The following SRSF12 variants were observed in gnomAD, a reference collection of about 807,000 sequenced individuals.
SRSF12 encodes the protein serine and arginine rich splicing factor 12, also known as serine/arginine-rich splicing factor 12.
In SRSF12, 21 loss-of-function variants were observed where a neutral mutation model predicts 34.1. The observed-to-expected ratio is 0.62, with a 90% CI of 0.44 to 0.89. SRSF12 has a LOEUF of 0.89. Among genes scored for constraint, SRSF12 ranks in the 40% least tolerant of loss-of-function variants. The pLI is 0.00. For missense variants in SRSF12, 278 were observed against 327.8 expected, an observed-to-expected ratio of 0.85 and a Z score of 1.17; for synonymous variants, 111 against 110.8, an observed-to-expected ratio of 1.00 and a Z score of -0.01.
At chr6:89,115,658 C>T (rs1454788854) in intron 1 of SRSF12, among the ~76,000 whole-genome samples, 1 of 128,278 alleles carries the variant, frequency 7.8e-6, no homozygotes, top group Admixed American at 8.6e-5. Context: ...TTTTTTGAGA[C>T]GGAGTCCTCG....
rs111356127 is a variant in SRSF12, at chr6:89,104,739, G to T, written c.416+380C>A. ...TACATTAAGCAAAATGACTAAGGTG[G>T]ACTGTTTATAAAAACTTTAAAATAT... is the stretch of plus-strand genomic sequence containing the variant. On this transcript the variant is annotated intron_variant, in intron 4 of 4. Transcript: ENST00000452027. Among the ~76,000 whole-genome samples, 269 of 152,072 alleles carry T rather than the reference G, an allele frequency of 1.8e-3. 1 individual carries two copies. Among genetic ancestry groups the T allele is most frequent in the African/African-American group, 6.2e-3 (257 of 41,492 alleles).
intron 1 of SRSF12, among the ~76,000 whole-genome samples, chr6:89,108,234 C>T (rs1404297221): frequency 1.3e-5 from 2 of 152,118 alleles, no homozygotes; most frequent in East Asian, 1.9e-4. Context: ...ACTGAAGAGA[C>T]AAAATATTTA....
intron 2 of SRSF12, 112 bp downstream of exon 2, chr6:89,107,042 T>TA: frequency 9.1e-7 from 1 of 1,101,480 alleles, no homozygotes; most frequent in Non-Finnish European, 1.4e-6. Flanking sequence ...GATAAAGAAA[T>TA]AAACACATTT....
chr6:89,115,009 G>T (rs1198621819), intron 1 of SRSF12, among the ~76,000 whole-genome samples: 1 of 152,076 alleles, frequency 6.6e-6, no homozygotes, highest in Non-Finnish European at 1.5e-5. Flanking sequence ...TGTTGGCCAG[G>T]CTGGTCTCAA....
At chr6:89,110,180 G>A (rs1264148066) in intron 1 of SRSF12, among the ~76,000 whole-genome samples, 1 of 152,114 alleles carries the variant, frequency 6.6e-6, no homozygotes, top group African/African-American at 2.4e-5. Flanking sequence ...TGTTACCAAT[G>A]GAGGGTCTTG....
chr6:89,116,731 G>A (rs1582282493), intron 1 of SRSF12, among the ~76,000 whole-genome samples: 1 of 151,394 alleles, frequency 6.6e-6, no homozygotes, highest in East Asian at 1.9e-4. Flanking sequence ...ACCAAGATCG[G>A]GCCATTGTAC....
chr6:89,107,866 G>A (rs894026336), intron 1 of SRSF12, among the ~76,000 whole-genome samples: 1 of 152,164 alleles, frequency 6.6e-6, no homozygotes, highest in Non-Finnish European at 1.5e-5. Context: ...TGGTTGTTAT[G>A]CTTAATTTCC....
chr6:89,108,888 T>G (rs112894661), intron 1 of SRSF12, among the ~76,000 whole-genome samples: 1 of 152,338 alleles, frequency 6.6e-6, no homozygotes, highest in Admixed American at 6.5e-5. Flanking sequence ...AAAAATTGAC[T>G]AAGCATCTAC....
At chr6:89,102,639 G>A (rs1371255771) in intron 4 of SRSF12, among the ~76,000 whole-genome samples, 1 of 152,122 alleles carries the variant, frequency 6.6e-6, no homozygotes, top group African/African-American at 2.4e-5. Context: ...AGAAAAGGGA[G>A]TTGAGGAGCA....
intron 4 of SRSF12, among the ~76,000 whole-genome samples, chr6:89,104,655 T>A (rs1009835092): frequency 3.3e-5 from 5 of 152,188 alleles, no homozygotes; most frequent in Non-Finnish European, 5.9e-5. Flanking sequence ...CCAAGTTAAA[T>A]AACAATATAT....
intron 2 of SRSF12, 134 bp from the exon 3 acceptor site, chr6:89,105,664 G>A: frequency 3.5e-6 from 2 of 567,050 alleles, no homozygotes; most frequent in South Asian, 3.7e-5. Context: ...AATATAATAT[G>A]AATAATCAGA....
chr6:89,110,096 A>G lies in SRSF12; in HGVS notation c.66-2838T>C, dbSNP rs551265366. On this transcript the variant is annotated intron_variant, in intron 1 of 4. Transcript: ENST00000452027. ...ACAGAGCAAGACTCTGTCTCAAAAA[A>G]AAAAAATTATTTTCTCCGTATTTGA... Among the ~76,000 whole-genome samples the G allele has an allele frequency of 3.1e-4, 47 of 152,314 alleles. No homozygotes were observed. The South Asian group carries it at 9.7e-3, about 32-fold the overall frequency.
intron 1 of SRSF12, among the ~76,000 whole-genome samples, chr6:89,110,631 G>C (rs1374466553): frequency 6.6e-6 from 1 of 152,146 alleles, no homozygotes; most frequent in African/African-American, 2.4e-5. Context: ...GAGAGGTGGA[G>C]TTCTCCTTTT....
In SRSF12 at chr6:89,117,967, A is replaced by C; in HGVS notation, c.-80T>G. The C allele has an allele frequency of 7.0e-7, 1 of 1,435,720 alleles. No homozygotes were observed. Among genetic ancestry groups the C allele is most frequent in the Non-Finnish European group, 9.3e-7 (1 of 1,070,946 alleles). The allele number at this position is 1,435,720 out of a possible 1,614,324, so 88.9% of individuals were successfully genotyped here. A position where few individuals can be genotyped will look rare whatever the true frequency, so the allele number is the denominator to read the frequency against. ...CTCCCGCTACCGCTGCTACCACCACAGGAGCTCCGCCGGCCCCCGGCGCGA... is the reference window on the plus strand; with the variant it reads ...CTCCCGCTACCGCTGCTACCACCACCGGAGCTCCGCCGGCCCCCGGCGCGA... On this transcript the variant is annotated 5_prime_UTR_variant, in exon 1 of 5. Transcript: ENST00000452027.
intron 1 of SRSF12, among the ~76,000 whole-genome samples, chr6:89,111,022 G>C (rs766743733): frequency 1.1e-4 from 16 of 151,996 alleles, no homozygotes; most frequent in Non-Finnish European, 2.4e-4. Flanking sequence ...TGAGGAAGAA[G>C]AATCACTTGA....
intron 2 of SRSF12, 89 bp from the exon 3 acceptor site, chr6:89,105,619 G>A: frequency 1.1e-6 from 1 of 941,396 alleles, no homozygotes; most frequent in Non-Finnish European, 1.5e-6. Context: ...AAATTAATAG[G>A]AAAATCAAGT....
chr6:89,099,419 T>C (rs1266862853), intron 4 of SRSF12, among the ~76,000 whole-genome samples: 9 of 137,866 alleles, frequency 6.5e-5, no homozygotes, highest in African/African-American at 2.5e-4. Context: ...TATATACATA[T>C]ATATATGTGT....
chr6:89,115,525 G>A (rs117963847), intron 1 of SRSF12, among the ~76,000 whole-genome samples: 259 of 151,968 alleles, frequency 1.7e-3, no homozygotes, highest in South Asian at 7.3e-3. Context: ...CAAGTGATCC[G>A]CCGAACTCGG....
rs112894661 is a variant in SRSF12 at position 89,108,888 on chromosome 6, T to C, written c.66-1630A>G. 7.5e-3 allele frequency among the ~76,000 whole-genome samples: 1,147 copies of C among 152,336 alleles called. 16 individuals carry two copies. The highest frequency in any genetic ancestry group is 1.0e-2 in the Non-Finnish European group (680 of 68,032). On this transcript the variant is annotated intron_variant, in intron 1 of 4. Transcript: ENST00000452027. ...CATATAAGATTCAACAAAAATTGAC[T>C]AAGCATCTACTTTTTGCCAGTAGCT...
Sources: allele counts gnomAD v4.1 joint callset (sites outside exome capture counted in the v4.1 genomes callset), GRCh38; gene constraint gnomAD v4.1.1; transcripts MANE v1.5; gene names NCBI Gene and HGNC (gene_info 2026-07-23, HGNC 2026-07-21).